Variants in HHAT observed in about 807,000 individuals in gnomAD.
HHAT encodes hedgehog acyltransferase.
HHAT carries 47 observed loss-of-function variants against 70.8 expected under a neutral mutation model. That is an observed-to-expected ratio of 0.66 (90% CI 0.53 to 0.85). The LOEUF is 0.85. HHAT is among the 40% of genes least tolerant of loss of function. The pLI is 0.00. For synonymous variants in HHAT, 228 were observed against 247.6 expected, an observed-to-expected ratio of 0.92 and a Z score of 0.74; for missense variants, 609 against 604.8, an observed-to-expected ratio of 1.01 and a Z score of -0.07.
chr1:210,354,460 G>A (rs1297714153), intron 2 of HHAT, among the ~76,000 whole-genome samples: 1 of 151,922 alleles, frequency 6.6e-6, no homozygotes, highest in African/African-American at 2.4e-5. Flanking sequence ...GGGATTACTG[G>A]TGATTATGAT....
intron 3 of HHAT, among the ~76,000 whole-genome samples, chr1:210,379,571 C>T (rs2090478831): frequency 6.6e-6 from 1 of 152,172 alleles, no homozygotes; most frequent in Non-Finnish European, 1.5e-5. Flanking sequence ...GAACTTTCTT[C>T]TTTCCTTCTT....
chr1:210,409,772 A>G (rs1340071190), intron 6 of HHAT, among the ~76,000 whole-genome samples: 1 of 152,248 alleles, frequency 6.6e-6, no homozygotes, highest in Non-Finnish European at 1.5e-5. Flanking sequence ...AGAGAAAGGC[A>G]TAGCTATTCC....
At chr1:210,350,471 T>C (rs2086915399) in intron 2 of HHAT, among the ~76,000 whole-genome samples, 1 of 152,244 alleles carries the variant, frequency 6.6e-6, no homozygotes, top group African/African-American at 2.4e-5. Context: ...ATTGTTTTCC[T>C]GATATAGATC....
intron 10 of HHAT, among the ~76,000 whole-genome samples, chr1:210,611,054 T>C (rs1050915726): frequency 1.3e-5 from 2 of 152,216 alleles, no homozygotes; most frequent in African/African-American, 4.8e-5. Flanking sequence ...GTGAATGATG[T>C]CAATGATAGT....
intron 9 of HHAT, among the ~76,000 whole-genome samples, chr1:210,532,664 G>T (rs546387432): frequency 6.6e-6 from 1 of 152,144 alleles, no homozygotes; most frequent in Non-Finnish European, 1.5e-5. Flanking sequence ...TTATGTTTCC[G>T]TCGGCACCAT....
chr1:210,475,266 C>A (rs563802505), intron 8 of HHAT, among the ~76,000 whole-genome samples: 1 of 152,246 alleles, frequency 6.6e-6, no homozygotes, highest in African/African-American at 2.4e-5. Flanking sequence ...CATGCTGTAC[C>A]TTATCCTGGT....
intron 3 of HHAT, among the ~76,000 whole-genome samples, chr1:210,373,474 A>C (rs2089762086): frequency 6.6e-6 from 1 of 152,140 alleles, no homozygotes. Context: ...GCGAGATCAC[A>C]GGGGCACGTG....
intron 9 of HHAT, among the ~76,000 whole-genome samples, chr1:210,586,993 G>A (rs1167552197): frequency 3.3e-5 from 5 of 152,116 alleles, no homozygotes; most frequent in Admixed American, 2.6e-4. Flanking sequence ...GTGAATTCAC[G>A]ACTGCTTCTG....
intron 7 of HHAT, among the ~76,000 whole-genome samples, chr1:210,456,841 C>A (rs1040071408): frequency 6.6e-6 from 1 of 152,144 alleles, no homozygotes; most frequent in Non-Finnish European, 1.5e-5. Context: ...GCTTCTTTAG[C>A]CCCTCTGGCC....
chr1:210,631,064 T>A (rs748363197), intron 11 of HHAT: 14 of 456,358 alleles, frequency 3.1e-5, no homozygotes, highest in Non-Finnish European at 8.8e-6. Context: ...TTCCTGTGTT[T>A]CTGCATTTCT....
At chr1:210,533,163 C>G (rs935927104) in intron 9 of HHAT, among the ~76,000 whole-genome samples, 4 of 152,176 alleles carry the variant, frequency 2.6e-5, no homozygotes, top group African/African-American at 9.7e-5. Context: ...CACCTTCCAG[C>G]CCTATCATTG....
intron 9 of HHAT, among the ~76,000 whole-genome samples, chr1:210,582,525 T>C (rs932871473): frequency 1.3e-5 from 2 of 152,174 alleles, no homozygotes; most frequent in South Asian, 2.1e-4. Context: ...GTATAGGTCC[T>C]TGGAAAAAAG....
chr1:210,332,058 G>A (rs2085038909), intron 1 of HHAT, among the ~76,000 whole-genome samples: 1 of 152,302 alleles, frequency 6.6e-6, no homozygotes, highest in South Asian at 2.1e-4. Flanking sequence ...CTTTAATGTG[G>A]TTGATAATTT....
At chr1:210,504,902 CTT>C (rs71571952) in intron 8 of HHAT, among the ~76,000 whole-genome samples, 1,328 of 124,468 alleles carry the variant, frequency 0.011, 17 homozygotes, top group African/African-American at 0.037. Context: ...GCTTTTTATT[CTT>C]TTTTTTTTTT....
At chr1:210,347,337 TC>T (rs1327761474) in intron 1 of HHAT, among the ~76,000 whole-genome samples, 1 of 152,232 alleles carries the variant, frequency 6.6e-6, no homozygotes, top group East Asian at 1.9e-4. Flanking sequence ...CTGTTCCACT[TC>T]CACCTACTTC....
At chr1:210,484,683 G>A (rs2094448489) in intron 8 of HHAT, among the ~76,000 whole-genome samples, 2 of 152,048 alleles carry the variant, frequency 1.3e-5, no homozygotes, top group African/African-American at 2.4e-5. Context: ...GTGGCACTAG[G>A]CATTCTTTTG....
intron 11 of HHAT, among the ~76,000 whole-genome samples, chr1:210,664,321 T>C (rs1438689661): frequency 1.3e-5 from 2 of 152,252 alleles, no homozygotes; most frequent in African/African-American, 2.4e-5. Context: ...AAGATTTAAA[T>C]ACAGCTGCCA....
intron 8 of HHAT, among the ~76,000 whole-genome samples, chr1:210,501,691 A>G (rs1264125942): frequency 2.6e-5 from 4 of 152,134 alleles, no homozygotes; most frequent in African/African-American, 9.7e-5. Flanking sequence ...AGTTCTTATG[A>G]GAGTGCCTCT....
At chr1:210,511,029 G>A (rs1294105355) in intron 8 of HHAT, among the ~76,000 whole-genome samples, 2 of 152,144 alleles carry the variant, frequency 1.3e-5, no homozygotes, top group African/African-American at 2.4e-5. Flanking sequence ...TTATAGATCT[G>A]GCAACCTTAA....
Sources: allele counts gnomAD v4.1 joint callset (sites outside exome capture counted in the v4.1 genomes callset), GRCh38; gene constraint gnomAD v4.1.1; transcripts MANE v1.5; gene names NCBI Gene and HGNC (gene_info 2026-07-23, HGNC 2026-07-21).